UBTD2: variants seen among roughly 807,000 people sequenced by gnomAD.
UBTD2 encodes the protein ubiquitin domain containing 2, also known as ubiquitin domain-containing protein 2.
Under a neutral mutation model 19.8 loss-of-function variants are expected in UBTD2, and 9 were observed. The observed-to-expected ratio is 0.46, with a 90% CI of 0.27 to 0.79. The LOEUF (loss-of-function observed/expected upper bound fraction) is 0.79. Ranked by LOEUF, UBTD2 falls within the 30% of genes least tolerant of loss-of-function variation. The pLI is 0.14. For synonymous variants in UBTD2, 98 were observed against 103.9 expected, an observed-to-expected ratio of 0.94 and a Z score of 0.35; for missense variants, 250 against 300.4, an observed-to-expected ratio of 0.83 and a Z score of 1.24.
At chr5:172,257,184 C>T (rs1263033337) in intron 1 of UBTD2, among the ~76,000 whole-genome samples, 3 of 152,128 alleles carry the variant, frequency 2.0e-5, no homozygotes, top group African/African-American at 4.8e-5. Context: ...TGTTTCCTTG[C>T]GTTTACGTGT....
chr5:172,267,176 A>G (rs1755395074), intron 1 of UBTD2, among the ~76,000 whole-genome samples: 1 of 152,186 alleles, frequency 6.6e-6, no homozygotes, highest in South Asian at 2.1e-4. Context: ...ACTCTGTAAA[A>G]CCTATTTTTG....
At chr5:172,254,425 G>C in intron 1 of UBTD2, 1 of 399,720 alleles carries the variant, frequency 2.5e-6, no homozygotes, top group East Asian at 5.5e-5. Context: ...TGGTTGGGAC[G>C]GGAAAAGCTA....
intron 1 of UBTD2, among the ~76,000 whole-genome samples, chr5:172,256,507 C>A (rs1755154820): frequency 6.7e-6 from 1 of 148,732 alleles, no homozygotes; most frequent in South Asian, 2.1e-4. Context: ...GCTGGGACTA[C>A]AGGTGCATGC....
chr5:172,275,371 A>G (rs746114509), intron 1 of UBTD2, among the ~76,000 whole-genome samples: 2 of 152,200 alleles, frequency 1.3e-5, no homozygotes, highest in Non-Finnish European at 2.9e-5. Context: ...GTGGGAACAC[A>G]GCCAAACGGT....
intron 1 of UBTD2, among the ~76,000 whole-genome samples, chr5:172,246,781 T>G (rs1301186229): frequency 2.1e-5 from 2 of 93,378 alleles, no homozygotes; most frequent in African/African-American, 4.9e-5. Flanking sequence ...TTTTTTTTTT[T>G]GAGACAGAGT....
intron 1 of UBTD2, among the ~76,000 whole-genome samples, chr5:172,260,916 G>A (rs934992606): frequency 6.6e-6 from 1 of 152,304 alleles, no homozygotes; most frequent in Non-Finnish European, 1.5e-5. Flanking sequence ...CACAAACCCA[G>A]AGCAGTGAAA....
chr5:172,249,365 C>G (rs1754943590), intron 1 of UBTD2, among the ~76,000 whole-genome samples: 1 of 134,232 alleles, frequency 7.4e-6, no homozygotes, highest in African/African-American at 2.7e-5. Flanking sequence ...CACCACTGCA[C>G]TCCAGCCTAG....
chr5:172,231,035 G>A (rs573532426), intron 2 of UBTD2, among the ~76,000 whole-genome samples: 27 of 152,166 alleles, frequency 1.8e-4, no homozygotes, highest in Admixed American at 1.2e-3. Flanking sequence ...TGCCCGCCTC[G>A]GCCTCCCAAA....
At chr5:172,266,131 G>C (rs1350728984) in intron 1 of UBTD2, among the ~76,000 whole-genome samples, 1 of 151,912 alleles carries the variant, frequency 6.6e-6, no homozygotes, top group Non-Finnish European at 1.5e-5. Flanking sequence ...AGGTTTCACC[G>C]TGTTAGCCAG....
chr5:172,283,737 C>T lies in UBTD2; in HGVS notation c.-72G>A. 1 of 1,100,290 alleles carries T rather than the reference C, an allele frequency of 9.1e-7. No individual in the cohort carries two copies. The highest frequency in any genetic ancestry group is 1.1e-6 in the Non-Finnish European group (1 of 886,484). 68.2% of individuals were successfully genotyped at this position (1,100,290 alleles called of 1,614,324 possible). ...CCCGCCGCCGCCGCCGCTGCAGCCTCCTCCGGCGCCACCGCCGAGCTCCGG... is the reference window on the plus strand; with the variant it reads ...CCCGCCGCCGCCGCCGCTGCAGCCTTCTCCGGCGCCACCGCCGAGCTCCGG... On this transcript the variant is annotated 5_prime_UTR_variant, in exon 1 of 3. Coordinates refer to ENST00000393792, the MANE Select transcript of UBTD2 (RefSeq NM_152277.3). The surrounding 1 kb of genome is among the most constrained non-coding windows in gnomAD (Gnocchi z 4.3).
intron 1 of UBTD2, among the ~76,000 whole-genome samples, chr5:172,257,335 G>A (rs1755175973): frequency 6.6e-6 from 1 of 152,180 alleles, no homozygotes; most frequent in South Asian, 2.1e-4. Context: ...TTATAGCTGT[G>A]TAAGTATTCC....
At chr5:172,278,389 C>T (rs867612972) in intron 1 of UBTD2, among the ~76,000 whole-genome samples, 6 of 151,974 alleles carry the variant, frequency 3.9e-5, no homozygotes, top group Admixed American at 2.0e-4. Flanking sequence ...CGTGGTGGTG[C>T]GTACCTATAA....
Position 172,260,725 on chromosome 5 carries a change from T to C in UBTD2, c.70+22871A>G, listed in dbSNP as rs1237051838. Reference sequence around the variant, plus strand: ...GTTACAGGTTAAGTGTCTCACTCGATGTCCATTCCAGAAGTACTGGGTATC... The same window carrying C: ...GTTACAGGTTAAGTGTCTCACTCGACGTCCATTCCAGAAGTACTGGGTATC... On this transcript the variant is annotated intron_variant, in intron 1 of 2. Coordinates refer to ENST00000393792, the MANE Select transcript of UBTD2 (RefSeq NM_152277.3). Among the ~76,000 whole-genome samples the C allele has an allele frequency of 6.6e-5, 10 of 152,324 alleles. 2 individuals are homozygous for C. In the Middle Eastern group the frequency reaches 0.014, roughly 207 times the overall value.
intron 1 of UBTD2, among the ~76,000 whole-genome samples, chr5:172,237,892 T>C (rs921820198): frequency 1.3e-5 from 2 of 152,238 alleles, no homozygotes; most frequent in African/African-American, 2.4e-5. Context: ...ACAGGCTGTC[T>C]TTCTTCTTTT....
chr5:172,240,504 A>G (rs992929588), intron 1 of UBTD2, among the ~76,000 whole-genome samples: 4 of 152,186 alleles, frequency 2.6e-5, no homozygotes, highest in Non-Finnish European at 5.9e-5. Context: ...AAAAATCAAC[A>G]TAACTTCATA....
At chr5:172,278,207 T>C (rs1755644991) in intron 1 of UBTD2, among the ~76,000 whole-genome samples, 1 of 152,066 alleles carries the variant, frequency 6.6e-6, no homozygotes, top group African/African-American at 2.4e-5. Context: ...CAGACACTTG[T>C]ACACCAAAGT....
intron 1 of UBTD2, among the ~76,000 whole-genome samples, chr5:172,275,546 A>C (rs1755590872): frequency 6.6e-6 from 1 of 152,216 alleles, no homozygotes; most frequent in Non-Finnish European, 1.5e-5. Context: ...ACTATGTGTC[A>C]GGCCTGATTA....
intron 1 of UBTD2, among the ~76,000 whole-genome samples, chr5:172,237,339 G>A (rs1008807516): frequency 6.6e-6 from 1 of 152,086 alleles, no homozygotes; most frequent in African/African-American, 2.4e-5. Context: ...TGATCCGCCC[G>A]CCTCAGCCTC....
intron 1 of UBTD2, among the ~76,000 whole-genome samples, chr5:172,274,550 A>G (rs971097056): frequency 6.6e-6 from 1 of 152,210 alleles, no homozygotes; most frequent in African/African-American, 2.4e-5. Flanking sequence ...ATAAGAAAGA[A>G]GTACACTGGA....
Sources: gnomAD v4.1 joint callset for allele counts (sites outside exome capture counted in the v4.1 genomes callset) on GRCh38, gnomAD v4.1.1 for gene constraint, Gnocchi (gnomAD v3.1) non-coding constraint, MANE v1.5 for transcripts, NCBI Gene and HGNC (gene_info 2026-07-23, HGNC 2026-07-21) for gene names.